Variants in POLE4 observed in about 807,000 individuals in gnomAD.
The protein encoded by POLE4 is DNA polymerase epsilon subunit 4.
Under a neutral mutation model 15.6 loss-of-function variants are expected in POLE4, and 15 were observed. The observed-to-expected ratio is 0.96, with a 90% confidence interval of 0.64 to 1.48. POLE4 has a LOEUF of 1.48. POLE4 is among the 40% of genes most tolerant of loss of function. The pLI is 0.00. For missense variants in POLE4, 205 were observed against 151.9 expected (o/e 1.35, Z -1.84); for synonymous variants, 83 against 63.2 (o/e 1.31, Z -1.49).
rs1288308493 is a variant in POLE4, at chr2:74,958,719, G to A, written c.40G>A (p.Glu14Lys). ...GGCGGCAGGAAGCGGGACGCCCCGA[G>A]AGGAGGAGGGACCTGCTGGGGAGGC... ...AAAAGSGTPR[E>K]EEGPAGEAAA... The change falls in exon 1 of 4, where the codon GAG (glutamate) becomes AAG (lysine). Residue 14 changes from glutamate (E) to lysine (K), a missense_variant. Coordinates refer to ENST00000483063, the MANE Select transcript of POLE4 (RefSeq NM_019896.4). 2.7e-6 allele frequency: 4 copies of A among 1,502,432 alleles called. No individual in the cohort carries two copies. Among genetic ancestry groups the A allele is most frequent in the Non-Finnish European group, 3.5e-6 (4 of 1,128,518 alleles). 93.1% of individuals were successfully genotyped at this position (1,502,432 alleles called of 1,614,324 possible). A position where few individuals can be genotyped will look rare whatever the true frequency, so the allele number is the denominator to read the frequency against.
chr2:74,961,703 T>G (rs1234778393), intron 3 of POLE4, among the ~76,000 whole-genome samples: 1 of 152,206 alleles, frequency 6.6e-6, no homozygotes, highest in African/African-American at 2.4e-5. Context: ...TTTTAATAAA[T>G]GGCCATTTAT....
At chr2:74,960,530 A>G (rs1671201531) in intron 3 of POLE4, 5 of 481,278 alleles carry the variant, frequency 1.0e-5, no homozygotes, top group Admixed American at 2.3e-5. Context: ...TTTTTCTTCA[A>G]CAATCTGTGT....
At chr2:74,958,933 G>A in intron 1 of POLE4, 41 bp downstream of exon 1, 9 of 1,528,872 alleles carry the variant, frequency 5.9e-6, no homozygotes, top group Non-Finnish European at 8.0e-6. Flanking sequence ...TGGGGGAGGT[G>A]GAGTGTGGGG....
chr2:74,962,234 T>G lies in POLE4; in HGVS notation c.340+2088T>G, dbSNP rs184217379. Among the ~76,000 whole-genome samples the G allele has an allele frequency of 2.6e-4, 40 of 152,336 alleles. 1 individual carries two copies. Among genetic ancestry groups the G allele is most frequent in the Admixed American group, 1.4e-3 (22 of 15,306 alleles). ...TTACAGTTTATATAACATACTAGGA[T>G]GTCTTTGGTTGTTGTGTCCAATTTT... On this transcript the variant is annotated intron_variant, in intron 3 of 3. Transcript: ENST00000483063.
chr2:74,965,158 A>C (rs1451731045), intron 3 of POLE4, among the ~76,000 whole-genome samples: 2 of 146,294 alleles, frequency 1.4e-5, no homozygotes, highest in African/African-American at 5.1e-5. Context: ...CAGTGGTACG[A>C]TCTCAGCTCA....
In POLE4 at chr2:74,969,492, C is replaced by T. The variant is rs1023182946; in HGVS notation, c.*70C>T. Reference sequence around the variant, plus strand: ...GTTCACCCCTCTGCACAGGCCTCAGCTTTGAAGAACGGAGTCTTTGCACTT... The same window carrying T: ...GTTCACCCCTCTGCACAGGCCTCAGTTTTGAAGAACGGAGTCTTTGCACTT... On this transcript the variant is annotated 3_prime_UTR_variant, in exon 4 of 4. Transcript: ENST00000483063. The T allele has an allele frequency of 9.9e-6, 14 of 1,407,298 alleles. No homozygotes were observed. The highest frequency in any genetic ancestry group is 1.8e-4 in the Middle Eastern group (1 of 5,702). 87.2% of individuals were successfully genotyped at this position (1,407,298 alleles called of 1,614,324 possible). A position where few individuals can be genotyped will look rare whatever the true frequency, so the allele number is the denominator to read the frequency against.
intron 3 of POLE4, among the ~76,000 whole-genome samples, chr2:74,965,064 C>A (rs1281280981): frequency 6.7e-6 from 1 of 149,298 alleles, no homozygotes; most frequent in African/African-American, 2.5e-5. Context: ...TCATACAATT[C>A]ATTGGCAATT....
intron 3 of POLE4, among the ~76,000 whole-genome samples, chr2:74,967,123 T>C (rs1000503525): frequency 1.3e-5 from 2 of 152,162 alleles, no homozygotes; most frequent in Non-Finnish European, 2.9e-5. Flanking sequence ...CTTTCATCTG[T>C]CCTGGAAAAT....
chr2:74,962,443 A>G (rs1671234766), intron 3 of POLE4, among the ~76,000 whole-genome samples: 1 of 152,146 alleles, frequency 6.6e-6, no homozygotes, highest in Non-Finnish European at 1.5e-5. Context: ...TTGATTGTAG[A>G]AGTTGAAAAC....
rs1671181981 is a variant in POLE4, at chr2:74,959,392, G to C, written c.265G>C (p.Gly89Arg). Residue 89 changes from glycine to arginine, a missense_variant, in exon 2 of 4, where the codon GGA (glycine) becomes CGA (arginine). Gly to Arg is a moderately radical substitution (Grantham distance 125). Transcript: ENST00000483063. ...AGATGCCTACTGTTGCGCTCAGCAG[G>C]GAAAAAGGAAAACCCTTCAGAGGAG... ...AKDAYCCAQQ[G>R]KRKTLQRRDL... 1.2e-6 allele frequency: 2 copies of C among 1,613,068 alleles called. No homozygotes were observed. Among genetic ancestry groups the C allele is most frequent in the African/African-American group, 1.3e-5 (1 of 74,910 alleles).
At chr2:74,959,633 T>G (rs919702001) in intron 2 of POLE4, 16 of 517,322 alleles carry the variant, frequency 3.1e-5, no homozygotes, top group African/African-American at 2.7e-4. Flanking sequence ...TGTCTGGGGT[T>G]GCCGTAGCGG....
intron 3 of POLE4, among the ~76,000 whole-genome samples, chr2:74,969,001 T>C (rs1455040264): frequency 6.6e-6 from 1 of 152,174 alleles, no homozygotes; most frequent in Admixed American, 6.5e-5. Context: ...GAATGGAATC[T>C]TGGATGGGAG....
intron 3 of POLE4, among the ~76,000 whole-genome samples, chr2:74,962,936 A>G (rs568732978): frequency 1.3e-5 from 2 of 152,340 alleles, no homozygotes; most frequent in South Asian, 4.1e-4. Flanking sequence ...CTGTCACACA[A>G]CTGTTTTAAG....
intron 3 of POLE4, chr2:74,960,521 T>C: frequency 2.1e-6 from 1 of 478,246 alleles, no homozygotes; most frequent in African/African-American, 2.0e-5. Context: ...GCTTGTTCTT[T>C]TTTCTTCAAC....
chr2:74,969,548 A>T lies in POLE4; in HGVS notation c.*126A>T. On this transcript the variant is annotated 3_prime_UTR_variant, in exon 4 of 4. Transcript: ENST00000483063. ...CACTCTTCCTGTTCTGCCTTCACCT[A>T]TGCCGGGATAAGCAGAGATCTCATC... The T allele has an allele frequency of 1.2e-6, 1 of 863,234 alleles. No homozygotes were observed. Among genetic ancestry groups the T allele is most frequent in the Non-Finnish European group, 2.0e-6 (1 of 499,908 alleles). The allele number at this position is 863,234 out of a possible 1,614,324, so 53.5% of individuals were successfully genotyped here.
chr2:74,969,379 T>C (rs1487700980), intron 3 of POLE4, 30 bp from the exon 4 acceptor site: 2 of 1,611,442 alleles, frequency 1.2e-6, no homozygotes, highest in Admixed American at 3.3e-5. Context: ...TGAGGTCCCC[T>C]GATATACTCA....
chr2:74,963,249 G>A (rs1175512583), intron 3 of POLE4, among the ~76,000 whole-genome samples: 1 of 152,150 alleles, frequency 6.6e-6, no homozygotes, highest in East Asian at 1.9e-4. Flanking sequence ...AGCAGTGCAT[G>A]ATAATTCCCA....
chr2:74,965,983 A>T (rs572635549), intron 3 of POLE4, among the ~76,000 whole-genome samples: 1 of 151,582 alleles, frequency 6.6e-6, no homozygotes, highest in African/African-American at 2.4e-5. Flanking sequence ...GTAATTGGTC[A>T]TATCTATGAG....
intron 3 of POLE4, among the ~76,000 whole-genome samples, chr2:74,966,103 T>C (rs1014157978): frequency 6.6e-6 from 1 of 152,068 alleles, no homozygotes. Context: ...TTGATTTTTT[T>C]CCCTCTATCA....
Sources: gnomAD v4.1 joint callset for allele counts (sites outside exome capture counted in the v4.1 genomes callset) on GRCh38, gnomAD v4.1.1 for gene constraint, MANE v1.5 for transcripts, NCBI Gene and HGNC (gene_info 2026-07-23, HGNC 2026-07-21) for gene names.